Variants in DAPK3 observed in about 807,000 individuals in gnomAD.
DAPK3 encodes the protein death associated protein kinase 3.
A neutral mutation model predicts 30.6 loss-of-function variants in DAPK3; 24 were observed. The observed-to-expected ratio is 0.78, with a 90% CI of 0.57 to 1.10. The LOEUF is 1.10. Ranked by LOEUF, DAPK3 falls within the 50% of genes least tolerant of loss-of-function variation. DAPK3 has a pLI of 0.00. For synonymous variants in DAPK3, 341 were observed against 284.0 expected, an observed-to-expected ratio of 1.20 and a Z score of -2.02; for missense variants, 629 against 657.3, an observed-to-expected ratio of 0.96 and a Z score of 0.47.
chr19:3,964,041 G>A (rs931762894), intron 4 of DAPK3, 122 bp from the exon 5 acceptor site: 4 of 821,438 alleles, frequency 4.9e-6, no homozygotes, highest in Non-Finnish European at 8.1e-6. Context: ...GAATGCGGCA[G>A]AGCTGGCCCT....
intron 3 of DAPK3, 35 bp from the exon 4 acceptor site, chr19:3,964,408 G>A: frequency 6.3e-7 from 1 of 1,593,032 alleles, no homozygotes; most frequent in Non-Finnish European, 8.6e-7. Flanking sequence ...GGAAAGCACG[G>A]GCCTCCCCCA....
In DAPK3 at chr19:3,964,963, G is replaced by A. The variant is rs199986718; in HGVS notation, c.91C>T (p.Arg31Trp). 289 of 1,609,728 alleles carry A rather than the reference G, an allele frequency of 1.8e-4. 2 individuals are homozygous for A. The highest frequency in any genetic ancestry group is 1.3e-3 in the Middle Eastern group (8 of 6,056). The change falls in exon 3 of 9, where the codon CGG becomes TGG. Residue 31 changes from arginine to tryptophan, a missense_variant. Coordinates refer to ENST00000545797, the MANE Select transcript of DAPK3 (RefSeq NM_001348.3). ...SGQFAIVRKCRQKGTGKEYAA... is the reference protein window; with the variant it reads ...SGQFAIVRKCWQKGTGKEYAA... Reference sequence around the variant, plus strand: ...TACTCCTTGCCCGTGCCCTTCTGCCGGCACTTCCGCACGATCGCAAACTGG... The same window carrying A: ...TACTCCTTGCCCGTGCCCTTCTGCCAGCACTTCCGCACGATCGCAAACTGG...
chr19:3,966,839 G>C (rs2039581963), intron 2 of DAPK3, among the ~76,000 whole-genome samples: 1 of 152,184 alleles, frequency 6.6e-6, no homozygotes, highest in Non-Finnish European at 1.5e-5. Context: ...CCTCCAGACA[G>C]CCCCCGGTCT....
rs1454408768 is a variant in DAPK3, at chr19:3,959,171, C to T, written c.1295G>A (p.Arg432His). 1 of 1,595,902 alleles carries T rather than the reference C, an allele frequency of 6.3e-7. No homozygotes were observed. Among genetic ancestry groups the T allele is most frequent in the Admixed American group, 1.7e-5 (1 of 59,130 alleles). The change falls in exon 9 of 9, where the codon CGC becomes CAC. Residue 432 changes from arginine (R) to histidine (H), a missense_variant. By Grantham distance (29) the Arg-to-His change is conservative. Around this residue, in one of 2 missense-constraint regions of DAPK3, gnomAD observed 323 missense variants for 278.8 expected, o/e 1.16. Transcript: ENST00000545797. ...ALAKQVASEM[R>H]FVQDLVRALE... ...GGCGCGCACGAGGTCCTGCACGAAG[C>T]GCATCTCGGAGGCTACTTGCTTGGC...
intron 1 of DAPK3, among the ~76,000 whole-genome samples, chr19:3,970,130 T>G (rs1312426330): frequency 6.6e-6 from 1 of 152,192 alleles, no homozygotes; most frequent in Non-Finnish European, 1.5e-5. Context: ...TGCCTCTCAC[T>G]CCTAGACTTC....
rs1045972365 is a variant in DAPK3 at position 3,958,498 on chromosome 19, T to G, written c.*603A>C. The G allele has an allele frequency of 4.4e-6, 2 of 456,428 alleles. No individual in the cohort carries two copies. Among genetic ancestry groups the G allele is most frequent in the Non-Finnish European group, 8.8e-6 (2 of 227,204 alleles). 28.3% of individuals were successfully genotyped at this position (456,428 alleles called of 1,614,324 possible). A position where few individuals can be genotyped will look rare whatever the true frequency, so the allele number is the denominator to read the frequency against. On this transcript the variant is annotated 3_prime_UTR_variant, in exon 9 of 9. Coordinates refer to ENST00000545797, the MANE Select transcript of DAPK3 (RefSeq NM_001348.3). ...ATTTCTCTTGGCTGCAGAGGGCCGC[T>G]CTTGCCTAGGCGTCCACAGGCGCGA...
rs1323895335 is a variant in DAPK3, at chr19:3,959,799, C to G, written c.829-162G>C. The G allele has an allele frequency of 1.5e-5, 13 of 842,478 alleles. No individual in the cohort carries two copies. The South Asian group carries it at 1.6e-4, about 11-fold the overall frequency. The allele number at this position is 842,478 out of a possible 1,614,324, so 52.2% of individuals were successfully genotyped here. On this transcript the variant is annotated intron_variant, in intron 8 of 8. Coordinates refer to ENST00000545797, the MANE Select transcript of DAPK3 (RefSeq NM_001348.3). ...CGACGCAAAGCCGAGAGTGCTCTCT[C>G]GAGAAAAACGCTGCGGCCCTGGCCC...
intron 2 of DAPK3, among the ~76,000 whole-genome samples, chr19:3,968,942 A>T (rs558631378): frequency 6.6e-6 from 1 of 152,222 alleles, no homozygotes; most frequent in Admixed American, 6.5e-5. Context: ...GGGACCCTCC[A>T]AGGCCCAGAC....
At chr19:3,964,140 C>A (rs1025035534) in intron 4 of DAPK3, 104 bp downstream of exon 4, 20 of 1,099,326 alleles carry the variant, frequency 1.8e-5, no homozygotes, top group Non-Finnish European at 2.6e-5. Flanking sequence ...GGCTTCAGGG[C>A]CGAGGACGCG....
chr19:3,960,808 A>G (rs1430249973), intron 7 of DAPK3, among the ~76,000 whole-genome samples: 1 of 150,694 alleles, frequency 6.6e-6, no homozygotes, highest in East Asian at 2.0e-4. Context: ...CGTCTCAAAA[A>G]AAAAAAAAAA....
At chr19:3,965,491 G>A (rs1428826853) in intron 2 of DAPK3, among the ~76,000 whole-genome samples, 3 of 152,112 alleles carry the variant, frequency 2.0e-5, no homozygotes, top group African/African-American at 2.4e-5. Context: ...GGTGGCGGGT[G>A]CCTGTAATCC....
In DAPK3 at chr19:3,964,975, C is replaced by CGA. The variant is rs2039561913; in HGVS notation, c.77_78dup (p.Val27SerfsTer31). 1 of 1,601,890 alleles carries CGA rather than the reference C, an allele frequency of 6.2e-7. No individual in the cohort carries two copies. The highest frequency in any genetic ancestry group is 2.2e-5 in the East Asian group (1 of 44,670). On this transcript the variant is annotated frameshift_variant, in exon 3 of 9. Coordinates refer to ENST00000545797, the MANE Select transcript of DAPK3 (RefSeq NM_001348.3). LOFTEE classifies it high-confidence loss of function. ...GTGCCCTTCTGCCGGCACTTCCGCA[C>CGA]GATCGCAAACTGGCCGCTGGAGGAG...
intron 2 of DAPK3, among the ~76,000 whole-genome samples, chr19:3,965,815 C>T (rs2039572291): frequency 6.6e-6 from 1 of 151,982 alleles, no homozygotes; most frequent in Non-Finnish European, 1.5e-5. Flanking sequence ...CAGGCACATA[C>T]CACCACACCC....
At chr19:3,959,921 A>AG in intron 8 of DAPK3, 138 bp downstream of exon 8, 1 of 711,866 alleles carries the variant, frequency 1.4e-6, no homozygotes. Flanking sequence ...CCCGCCACAC[A>AG]GGCTCACTCC....
Position 3,964,302 on chromosome 19 carries a change from C to G in DAPK3, c.495G>C (p.Ala165=). 1.1e-5 allele frequency: 18 copies of G among 1,613,276 alleles called. No individual in the cohort carries two copies. Among genetic ancestry groups the G allele is most frequent in the Non-Finnish European group, 1.5e-5 (18 of 1,179,258 alleles). Residue 165 remains alanine, a synonymous_variant, in exon 4 of 9, where the codon GCG becomes GCC. Transcript: ENST00000545797. Reference sequence around the variant, plus strand: ...ACTCGTTCCCCGCCTCGATCTTGTGCGCGATGCCGAAGTCGATGAGCTTGA... The same window carrying G: ...ACTCGTTCCCCGCCTCGATCTTGTGGGCGATGCCGAAGTCGATGAGCTTGA... The part of the protein sequence containing the change: ...PRIKLIDFGI[A]HKIEAGNEFK...
chr19:3,960,203 C>G, intron 7 of DAPK3, 99 bp from the exon 8 acceptor site: 4 of 697,842 alleles, frequency 5.7e-6, no homozygotes, highest in African/African-American at 1.8e-5. Flanking sequence ...TAAAGTCGCC[C>G]CCCAGCCTCT....
chr19:3,964,899 C>T lies in DAPK3; in HGVS notation c.155G>A (p.Ser52Asn). The T allele has an allele frequency of 6.2e-7, 1 of 1,612,090 alleles. No homozygotes were observed. Among genetic ancestry groups the T allele is most frequent in the Non-Finnish European group, 8.5e-7 (1 of 1,178,258 alleles). The change falls in exon 3 of 9, where the codon AGC (serine) becomes AAC (asparagine). Residue 52 changes from serine (S) to asparagine (N), a missense_variant. Transcript: ENST00000545797. ...KFIKKRRLSS[S>N]RRGVSREEIE... is the part of the protein sequence containing the mutation. ...CTCCTCCCGGCTCACCCCACGCCGG[C>T]TGGATGACAGGCGGCGCTTCTTGAT...
chr19:3,964,224 C>T lies in DAPK3; in HGVS notation c.553+20G>A, dbSNP rs1406053714. The T allele has an allele frequency of 1.3e-6, 2 of 1,592,580 alleles. No individual in the cohort carries two copies. Among genetic ancestry groups the T allele is most frequent in the South Asian group, 1.1e-5 (1 of 89,548 alleles). On this transcript the variant is annotated intron_variant, in intron 4 of 8. Transcript: ENST00000545797. ...GACCACCCTCCCCAGGCCGGGGCTGCCCACTGGGCAGGGCCTCACCCACAA... is the reference window on the plus strand; with the variant it reads ...GACCACCCTCCCCAGGCCGGGGCTGTCCACTGGGCAGGGCCTCACCCACAA...
At chr19:3,963,054 G>A (rs2039535430) in intron 6 of DAPK3, among the ~76,000 whole-genome samples, 1 of 151,636 alleles carries the variant, frequency 6.6e-6, no homozygotes, top group Non-Finnish European at 1.5e-5. Flanking sequence ...GTGAGCAGCT[G>A]AGATCGCACC....
Sources: gnomAD v4.1 joint callset for allele counts (sites outside exome capture counted in the v4.1 genomes callset) on GRCh38, gnomAD v4.1.1 for gene constraint, gnomAD v4.1.1 regional missense constraint, MANE v1.5 for transcripts, NCBI Gene and HGNC (gene_info 2026-07-23, HGNC 2026-07-21) for gene names.